Variants in TMEM184C observed in about 807,000 individuals in gnomAD.
TMEM184C encodes transmembrane protein 184C, also known as transmembrane protein 34.
A neutral mutation model predicts 54.5 loss-of-function variants in TMEM184C; 25 were observed. That is an observed-to-expected ratio of 0.46 (90% CI 0.33 to 0.64). The LOEUF (loss-of-function observed/expected upper bound fraction) is 0.64, where lower values mean the gene tolerates loss of function less well. Ranked by LOEUF, TMEM184C falls within the 30% of genes least tolerant of loss-of-function variation. TMEM184C has a pLI of 0.02. For missense variants in TMEM184C, 335 were observed against 520.3 expected, an observed-to-expected ratio of 0.64 and a Z score of 3.46; for synonymous variants, 148 against 181.5, an observed-to-expected ratio of 0.82 and a Z score of 1.49.
At chr4:147,619,820 C>T (rs1003765620) in intron 1 of TMEM184C, among the ~76,000 whole-genome samples, 1 of 152,182 alleles carries the variant, frequency 6.6e-6, no homozygotes. Flanking sequence ...ACATGTCTTG[C>T]TTGGACTCTT....
chr4:147,633,620 GA>G, intron 8 of TMEM184C, 144 bp from the exon 9 acceptor site: 1 of 721,082 alleles, frequency 1.4e-6, no homozygotes, highest in African/African-American at 1.8e-5. Flanking sequence ...AATTATTTTA[GA>G]AAATGGAAAA....
chr4:147,625,155 T>C, intron 4 of TMEM184C, 146 bp downstream of exon 4: 1 of 722,430 alleles, frequency 1.4e-6, no homozygotes, highest in South Asian at 2.2e-5. Context: ...CAGTTCATAG[T>C]TGTTTGAAGG....
chr4:147,633,560 A>G (rs1472695401), intron 8 of TMEM184C, among the ~76,000 whole-genome samples: 2 of 152,152 alleles, frequency 1.3e-5, no homozygotes, highest in Non-Finnish European at 2.9e-5. Flanking sequence ...AGGAAGTGCA[A>G]AATAGATTCA....
chr4:147,626,563 G>A (rs746399413), intron 4 of TMEM184C, among the ~76,000 whole-genome samples: 1 of 152,186 alleles, frequency 6.6e-6, no homozygotes, highest in Non-Finnish European at 1.5e-5. Flanking sequence ...TTTGTACAAC[G>A]TCCTGACAAA....
intron 3 of TMEM184C, 91 bp from the exon 4 acceptor site, chr4:147,624,713 T>C (rs1161322064): frequency 1.6e-6 from 2 of 1,229,436 alleles, no homozygotes; most frequent in Non-Finnish European, 2.3e-6. Flanking sequence ...ATCTCAAGCA[T>C]AAAAATTAGC....
At chr4:147,619,515 C>T (rs1732667100) in intron 1 of TMEM184C, among the ~76,000 whole-genome samples, 1 of 152,090 alleles carries the variant, frequency 6.6e-6, no homozygotes, top group Non-Finnish European at 1.5e-5. Context: ...TTTTTAATGG[C>T]CATGTAATAT....
At chr4:147,634,042 C>T in intron 9 of TMEM184C, 106 bp downstream of exon 9, 1 of 1,506,886 alleles carries the variant, frequency 6.6e-7, no homozygotes, top group Non-Finnish European at 8.9e-7. Flanking sequence ...GACTTTAAAG[C>T]AGTACCACAG....
chr4:147,632,539 A>G (rs927306875), intron 7 of TMEM184C: 5 of 178,846 alleles, frequency 2.8e-5, no homozygotes, highest in Non-Finnish European at 5.9e-5. Flanking sequence ...TCCTTTTGAT[A>G]TTCAGGTTGT....
rs1004626059 is a variant in TMEM184C at position 147,633,126 on chromosome 4, A to C, written c.879+124A>C. The C allele has an allele frequency of 1.5e-5, 11 of 719,936 alleles. No homozygotes were observed. In the African/African-American group the frequency reaches 2.0e-4, roughly 13 times the overall value. 44.6% of individuals were successfully genotyped at this position (719,936 alleles called of 1,614,324 possible). On this transcript the variant is annotated intron_variant, in intron 8 of 9. Transcript: ENST00000296582. ...TTATCCTCACTTTACAGGTGAGAAA[A>C]CAGGGGAACCCTAGAGAAATTGGCC...
chr4:147,634,136 A>T (rs190869492), intron 9 of TMEM184C, 33 bp from the exon 10 acceptor site: 264 of 1,589,478 alleles, frequency 1.7e-4, no homozygotes, highest in Non-Finnish European at 2.1e-4. Flanking sequence ...TGGTAAAAAT[A>T]ACTTTTGACT....
intron 7 of TMEM184C, 145 bp from the exon 8 acceptor site, chr4:147,632,758 A>G (rs1732939371): frequency 5.4e-6 from 3 of 557,206 alleles, no homozygotes; most frequent in Non-Finnish European, 9.5e-6. Flanking sequence ...TATTTAACAT[A>G]GAGTTTCTTC....
At chr4:147,623,466 ATACT>A (rs1469288476) in intron 1 of TMEM184C, among the ~76,000 whole-genome samples, 1 of 151,620 alleles carries the variant, frequency 6.6e-6, no homozygotes, top group Non-Finnish European at 1.5e-5. Context: ...AGAAACAGTG[ATACT>A]TAAGGTTGTA....
intron 1 of TMEM184C, among the ~76,000 whole-genome samples, chr4:147,619,191 T>C (rs914971126): frequency 6.7e-6 from 1 of 150,080 alleles, no homozygotes; most frequent in Non-Finnish European, 1.5e-5. Flanking sequence ...TTGTTGTTGT[T>C]GTTTATTTTT....
At position 147,634,214 on chromosome 4, in the gene TMEM184C, A is replaced by G. The variant is rs1560955878; in HGVS notation, c.1097A>G (p.Asp366Gly). 6.2e-7 allele frequency: 1 copy of G among 1,614,142 alleles called. No homozygotes were observed. The highest frequency in any genetic ancestry group is 8.5e-7 in the Non-Finnish European group (1 of 1,180,020). ...GHPRKKLFPE[D>G]QDQNEHTSLL... ...CCCAGGAAAAAATTGTTTCCCGAGG[A>G]TCAAGATCAAAATGAACATACAAGT... Residue 366 changes from aspartate to glycine, a missense_variant, in exon 10 of 10, where the codon GAT becomes GGT. Transcript: ENST00000296582.
intron 5 of TMEM184C, 132 bp downstream of exon 5, chr4:147,628,567 G>A: frequency 8.6e-6 from 6 of 696,726 alleles, no homozygotes; most frequent in Non-Finnish European, 1.4e-5. Context: ...AAAAAACACT[G>A]TATAGAAACT....
intron 1 of TMEM184C, among the ~76,000 whole-genome samples, chr4:147,619,307 C>T (rs1438137100): frequency 3.3e-5 from 5 of 152,146 alleles, no homozygotes; most frequent in East Asian, 1.9e-4. Context: ...AAGCGATTCT[C>T]CTGCCTCAGC....
rs2718447 is a variant in TMEM184C, at chr4:147,635,541, T to C, written c.*1107T>C. 131,311 of 152,224 alleles carry C rather than the reference T, an allele frequency of 0.86. 58,833 individuals carry two copies. The highest frequency in any genetic ancestry group is 0.98 in the Non-Finnish European group (66,906 of 68,032). The allele number at this position is 152,224 out of a possible 1,614,324, so 9.4% of individuals were successfully genotyped here. A position where few individuals can be genotyped will look rare whatever the true frequency, so the allele number is the denominator to read the frequency against. ...AATGAAAATAAAACAGAAAGTGCCATAGTATGTTACAGAAAGCAAAGATGA... is the reference window on the plus strand; with the variant it reads ...AATGAAAATAAAACAGAAAGTGCCACAGTATGTTACAGAAAGCAAAGATGA... On this transcript the variant is annotated 3_prime_UTR_variant, in exon 10 of 10. Coordinates refer to ENST00000296582, the MANE Select transcript of TMEM184C (RefSeq NM_018241.3).
chr4:147,622,817 G>A (rs1185863816), intron 1 of TMEM184C, among the ~76,000 whole-genome samples: 5 of 151,982 alleles, frequency 3.3e-5, no homozygotes, highest in East Asian at 1.9e-4. Flanking sequence ...GGTGGAGTAC[G>A]GTGGCACAAA....
Position 147,617,953 on chromosome 4 carries a change from A to G in TMEM184C, c.-4A>G. ...TGCTAACCGGATCTGATTTGTGCGA[A>G]AACATGCCTTGCACTTGTACCTGGA... On this transcript the variant is annotated 5_prime_UTR_variant, in exon 1 of 10. Coordinates refer to ENST00000296582, the MANE Select transcript of TMEM184C (RefSeq NM_018241.3). 6.2e-7 allele frequency: 1 copy of G among 1,614,066 alleles called. No homozygotes were observed. The highest frequency in any genetic ancestry group is 8.5e-7 in the Non-Finnish European group (1 of 1,179,970).
Sources: allele counts gnomAD v4.1 joint callset (sites outside exome capture counted in the v4.1 genomes callset), GRCh38; gene constraint gnomAD v4.1.1; transcripts MANE v1.5; gene names NCBI Gene and HGNC (gene_info 2026-07-23, HGNC 2026-07-21).